NAMPT: variants seen among roughly 807,000 people sequenced by gnomAD.
The protein encoded by NAMPT is nicotinamide phosphoribosyltransferase.
A neutral mutation model predicts 58.7 loss-of-function variants in NAMPT; 7 were observed. The ratio of observed to expected loss-of-function variants is 0.12; its 90% confidence interval spans 0.07 to 0.22. The LOEUF (loss-of-function observed/expected upper bound fraction) is 0.22, where lower values mean the gene tolerates loss of function less well. Ranked by LOEUF, NAMPT falls within the 10% of genes least tolerant of loss-of-function variation. The pLI is 1.00. For missense variants in NAMPT, 271 were observed against 567.9 expected (o/e 0.48, Z 5.31); for synonymous variants, 145 against 198.1 (o/e 0.73, Z 2.25).
chr7:106,281,322 G>A (rs1361355661), intron 1 of NAMPT, among the ~76,000 whole-genome samples: 8 of 151,978 alleles, frequency 5.3e-5, no homozygotes, highest in African/African-American at 1.9e-4. Flanking sequence ...TGTCCCATAG[G>A]GCTGATTTGA....
chr7:106,283,616 C>T (rs926881196), intron 1 of NAMPT, among the ~76,000 whole-genome samples: 1 of 152,108 alleles, frequency 6.6e-6, no homozygotes, highest in Non-Finnish European at 1.5e-5. Context: ...GGTATTATCA[C>T]GTATACTTGA....
In NAMPT at chr7:106,272,189, C is replaced by T. The variant is rs148704779; in HGVS notation, c.447+341G>A. 2,825 of 295,416 alleles carry T rather than the reference C, an allele frequency of 9.6e-3. 25 individuals carry two copies. Among genetic ancestry groups the T allele is most frequent in the Non-Finnish European group, 0.013 (1,947 of 144,426 alleles). The allele number at this position is 295,416 out of a possible 1,614,324, so 18.3% of individuals were successfully genotyped here. On this transcript the variant is annotated intron_variant, in intron 4 of 10. Coordinates refer to ENST00000222553, the MANE Select transcript of NAMPT (RefSeq NM_005746.3). ...TCTAACTTGAACATTTATCATTCATCGAATGTCGTAAGTTACTAGAAATGT... is the reference window on the plus strand; with the variant it reads ...TCTAACTTGAACATTTATCATTCATTGAATGTCGTAAGTTACTAGAAATGT...
chr7:106,276,611 G>C (rs1792649960), intron 2 of NAMPT: 1 of 167,420 alleles, frequency 6.0e-6, no homozygotes, highest in African/African-American at 2.4e-5. Context: ...GGTGGGCCGA[G>C]ACAGGTGGAT....
chr7:106,274,828 C>G, intron 3 of NAMPT, 118 bp downstream of exon 3: 1 of 653,358 alleles, frequency 1.5e-6, no homozygotes, highest in Non-Finnish European at 2.7e-6. Flanking sequence ...GCACTCCAGC[C>G]TGGGTGACAG....
chr7:106,278,404 A>G (rs1792693111), intron 1 of NAMPT, among the ~76,000 whole-genome samples: 1 of 152,144 alleles, frequency 6.6e-6, no homozygotes, highest in Non-Finnish European at 1.5e-5. Flanking sequence ...TGAGAGTTTA[A>G]GTCAAGCAGG....
intron 1 of NAMPT, among the ~76,000 whole-genome samples, chr7:106,280,633 A>ACAT (rs1190827667): frequency 6.6e-6 from 1 of 152,124 alleles, no homozygotes; most frequent in African/African-American, 2.4e-5. Flanking sequence ...CACCATCTGA[A>ACAT]CATCAATACA....
At chr7:106,254,614 A>AC (rs1245087704) in intron 8 of NAMPT, 110 bp from the exon 9 acceptor site, 1 of 1,210,276 alleles carries the variant, frequency 8.3e-7, no homozygotes, top group African/African-American at 1.5e-5. Context: ...CTGTTTTATA[A>AC]CACGGTCAAT....
intron 3 of NAMPT, among the ~76,000 whole-genome samples, 154 bp downstream of exon 3, chr7:106,274,792 T>A (rs968970332): frequency 6.6e-6 from 1 of 152,142 alleles, no homozygotes; most frequent in African/African-American, 2.4e-5. Flanking sequence ...GAAGCAGAGG[T>A]TGCAGTGAGC....
intron 6 of NAMPT, among the ~76,000 whole-genome samples, chr7:106,264,724 A>G (rs1376843480): frequency 6.6e-6 from 1 of 152,050 alleles, no homozygotes; most frequent in Non-Finnish European, 1.5e-5. Flanking sequence ...CATTCTCCCT[A>G]ATTTTCTAGT....
At chr7:106,266,304 CATTTT>C (rs1183974433) in intron 6 of NAMPT, among the ~76,000 whole-genome samples, 3 of 152,178 alleles carry the variant, frequency 2.0e-5, no homozygotes, top group Non-Finnish European at 4.4e-5. Flanking sequence ...GTATCCTTTT[CATTTT>C]AACAAGTCCT....
intron 2 of NAMPT, chr7:106,275,676 T>C (rs1324467015): frequency 6.6e-6 from 1 of 152,264 alleles, no homozygotes; most frequent in South Asian, 2.1e-4. Flanking sequence ...TTAAGTTGTA[T>C]GACTAAATTA....
upstream of NAMPT, chr7:106,285,219 C>CGGGGA: frequency 1.4e-5 from 15 of 1,084,974 alleles, no homozygotes; most frequent in Non-Finnish European, 1.7e-5. Flanking sequence ...GGAGGCGGGG[C>CGGGGA]GGGGAGGAGG....
At chr7:106,258,924 A>G (rs1483542536) in intron 8 of NAMPT, among the ~76,000 whole-genome samples, 1 of 151,640 alleles carries the variant, frequency 6.6e-6, no homozygotes, top group Non-Finnish European at 1.5e-5. Context: ...CTCTATCACG[A>G]AAGATTTATC....
At chr7:106,272,427 T>TA (rs1792554348) in intron 4 of NAMPT, 103 bp downstream of exon 4, 2 of 1,032,322 alleles carry the variant, frequency 1.9e-6, no homozygotes, top group Admixed American at 3.1e-5. Flanking sequence ...AAGTAAATTA[T>TA]AGGAGATTAT....
intron 8 of NAMPT, among the ~76,000 whole-genome samples, chr7:106,254,857 A>G (rs1202378189): frequency 2.0e-5 from 3 of 152,188 alleles, no homozygotes; most frequent in Non-Finnish European, 4.4e-5. Context: ...TATTGTCCAG[A>G]TCTCAGCAAC....
intron 1 of NAMPT, 68 bp from the exon 2 acceptor site, chr7:106,277,247 C>T (rs1483292663): frequency 2.3e-6 from 3 of 1,323,362 alleles, no homozygotes; most frequent in Admixed American, 2.2e-5. Context: ...ACAGAAAAGG[C>T]TTGAAGTTAT....
chr7:106,259,256 A>G (rs1586014056), intron 8 of NAMPT, among the ~76,000 whole-genome samples: 2 of 152,312 alleles, frequency 1.3e-5, no homozygotes, highest in East Asian at 3.9e-4. Context: ...ATTTGTAGTT[A>G]CTTCCTCCAC....
At chr7:106,272,730 T>C (rs1284347660) in intron 3 of NAMPT, 72 bp from the exon 4 acceptor site, 7 of 1,544,576 alleles carry the variant, frequency 4.5e-6, no homozygotes, top group Non-Finnish European at 5.3e-6. Flanking sequence ...TACTAAAGGT[T>C]CTTTACGTTT....
chr7:106,284,770 G>GCGCGCTCGTCCCCAGCGCGC, intron 1 of NAMPT, 58 bp downstream of exon 1: 1 of 520,304 alleles, frequency 1.9e-6, no homozygotes, highest in Non-Finnish European at 2.6e-6. Flanking sequence ...CCCCCCTGCC[G>GCGCGCTCGTCCCCAGCGCGC]CGCGCTCGTC....
Sources: gnomAD v4.1 joint callset for allele counts (sites outside exome capture counted in the v4.1 genomes callset) on GRCh38, gnomAD v4.1.1 for gene constraint, MANE v1.5 for transcripts, NCBI Gene and HGNC (gene_info 2026-07-23, HGNC 2026-07-21) for gene names.